Variants in EPSTI1 observed in about 807,000 individuals in gnomAD.
EPSTI1 encodes the protein epithelial-stromal interaction protein 1.
EPSTI1 carries 66 observed loss-of-function variants against 49.9 expected under a neutral mutation model. That is an observed-to-expected ratio of 1.32 (90% CI 1.08 to 1.62). EPSTI1 has a LOEUF of 1.62. Among genes scored for constraint, EPSTI1 ranks in the 40% most tolerant of loss-of-function variants. The pLI, the probability that EPSTI1 is intolerant of heterozygous loss-of-function variation, is 0.00. For synonymous variants in EPSTI1, 137 were observed against 130.7 expected, an observed-to-expected ratio of 1.05 and a Z score of -0.33; for missense variants, 394 against 365.5, an observed-to-expected ratio of 1.08 and a Z score of -0.64.
At chr13:42,985,248 T>C (rs1240848702) in intron 1 of EPSTI1, among the ~76,000 whole-genome samples, 3 of 152,174 alleles carry the variant, frequency 2.0e-5, no homozygotes, top group African/African-American at 7.2e-5. Flanking sequence ...ACAAAGGTTT[T>C]TTAAGGAAAA....
At chr13:42,910,602 C>A (rs541867631) in intron 8 of EPSTI1, among the ~76,000 whole-genome samples, 1 of 152,132 alleles carries the variant, frequency 6.6e-6, no homozygotes, top group Non-Finnish European at 1.5e-5. Flanking sequence ...TCAGTTGATT[C>A]TCTTAGTTTG....
chr13:42,984,383 T>G (rs1256249902), intron 1 of EPSTI1, among the ~76,000 whole-genome samples: 1 of 152,206 alleles, frequency 6.6e-6, no homozygotes, highest in Admixed American at 6.5e-5. Context: ...GAAGAAATAG[T>G]GAAAACAGTT....
intron 6 of EPSTI1, among the ~76,000 whole-genome samples, chr13:42,942,837 C>T (rs1224691663): frequency 1.3e-5 from 2 of 151,512 alleles, no homozygotes; most frequent in Admixed American, 6.6e-5. Context: ...TACAGGCGCC[C>T]GCCACCGCGC....
chr13:42,923,745 T>C (rs2038089844), intron 7 of EPSTI1, among the ~76,000 whole-genome samples: 1 of 152,204 alleles, frequency 6.6e-6, no homozygotes, highest in African/African-American at 2.4e-5. Flanking sequence ...TAAATATCTC[T>C]TGTCTGAAGT....
intron 5 of EPSTI1, among the ~76,000 whole-genome samples, chr13:42,962,356 C>A (rs976547179): frequency 2.6e-5 from 4 of 152,098 alleles, no homozygotes; most frequent in Non-Finnish European, 4.4e-5. Flanking sequence ...GCCATATTTT[C>A]AATGGGAAGG....
chr13:42,954,166 A>G (rs2039189434), intron 5 of EPSTI1, 145 bp from the exon 6 acceptor site: 1 of 616,280 alleles, frequency 1.6e-6, no homozygotes, highest in Non-Finnish European at 2.7e-6. Context: ...CCAAGATGGT[A>G]CTCCCTGTCA....
At chr13:42,923,523 T>C (rs1354097963) in intron 7 of EPSTI1, among the ~76,000 whole-genome samples, 1 of 152,156 alleles carries the variant, frequency 6.6e-6, no homozygotes, top group Non-Finnish European at 1.5e-5. Context: ...ATCATGCTGC[T>C]GCACTCCAGC....
At chr13:42,967,306 A>G (rs1424889481) in intron 3 of EPSTI1, among the ~76,000 whole-genome samples, 4 of 25,132 alleles carry the variant, frequency 1.6e-4, no homozygotes, top group East Asian at 3.9e-3. Flanking sequence ...AAAAAAAAAA[A>G]AAAAAGAAAA....
At chr13:42,972,288 C>T (rs2031268) in intron 1 of EPSTI1, among the ~76,000 whole-genome samples, 18,090 of 152,130 alleles carry the variant, frequency 0.12, 1,175 homozygotes, top group Non-Finnish European at 0.15. Context: ...AGGGCTTGTC[C>T]GCGAGCTTGA....
chr13:42,943,268 T>C (rs7327688), intron 6 of EPSTI1, among the ~76,000 whole-genome samples: 57,083 of 152,056 alleles, frequency 0.38, 11,677 homozygotes, highest in African/African-American at 0.52. Flanking sequence ...CAGGGCCTTC[T>C]TAGTGAATCT....
chr13:42,909,107 A>ACAG (rs2037590081), intron 8 of EPSTI1, among the ~76,000 whole-genome samples: 9 of 152,054 alleles, frequency 5.9e-5, no homozygotes, highest in Admixed American at 5.9e-4. Context: ...AATAATAACA[A>ACAG]TTTAAAAAAT....
intron 1 of EPSTI1, among the ~76,000 whole-genome samples, chr13:42,976,671 GACATAGTGATGT>G (rs751682086): frequency 7.9e-5 from 12 of 152,090 alleles, no homozygotes; most frequent in Non-Finnish European, 1.2e-4. Context: ...AGAAATGCAA[GACATAGTGATGT>G]ACTCCAAAAT....
At chr13:42,897,816 G>C (rs2037238548) in intron 9 of EPSTI1, among the ~76,000 whole-genome samples, 1 of 152,176 alleles carries the variant, frequency 6.6e-6, no homozygotes, top group Non-Finnish European at 1.5e-5. Context: ...TTCCTATCAA[G>C]AATCTAAATG....
chr13:42,980,538 G>A (rs368183634), intron 1 of EPSTI1, among the ~76,000 whole-genome samples: 20 of 152,222 alleles, frequency 1.3e-4, no homozygotes, highest in Middle Eastern at 3.4e-3. Flanking sequence ...AAACCATCAG[G>A]TCTCATAAAA....
rs925329084 is a variant in EPSTI1, at chr13:42,891,360, G to A, written c.916-2858C>T. On this transcript the variant is annotated intron_variant, in intron 10 of 10. Transcript: ENST00000313624. ...TCTAATATGTATAGGCCTGGTCTTC[G>A]TTTAATGGGAAGACAGTAAGACATA... 3.3e-5 allele frequency among the ~76,000 whole-genome samples: 5 copies of A among 152,116 alleles called. No homozygotes were observed. The East Asian group carries it at 5.8e-4, about 18-fold the overall frequency.
intron 8 of EPSTI1, among the ~76,000 whole-genome samples, chr13:42,906,138 G>C (rs149545433): frequency 6.6e-6 from 1 of 152,290 alleles, no homozygotes; most frequent in African/African-American, 2.4e-5. Flanking sequence ...CTGCAGGATG[G>C]CACCAATAGC....
chr13:42,979,612 A>G (rs2039952300), intron 1 of EPSTI1, among the ~76,000 whole-genome samples: 1 of 150,326 alleles, frequency 6.7e-6, no homozygotes, highest in Admixed American at 6.6e-5. Context: ...AGAAAAGAAA[A>G]GAAATTTTAA....
rs548413839 is a variant in EPSTI1 at position 42,980,826 on chromosome 13, T to A, written c.189-10156A>T. Among the ~76,000 whole-genome samples, 44 of 152,334 alleles carry A rather than the reference T, an allele frequency of 2.9e-4. No individual in the cohort carries two copies. In the South Asian group the frequency reaches 7.9e-3, roughly 27 times the overall value. ...AGAATTGCAGGGGACTTTCACATTCTGTATTATTTTTGAAATGTTTGAGTT... is the reference window on the plus strand; with the variant it reads ...AGAATTGCAGGGGACTTTCACATTCAGTATTATTTTTGAAATGTTTGAGTT... On this transcript the variant is annotated intron_variant, in intron 1 of 10. Transcript: ENST00000313624.
rs1399226763 is a variant in EPSTI1, at chr13:42,921,702, AC to A, written c.658-4079del. Among the ~76,000 whole-genome samples, 3 of 152,214 alleles carry A rather than the reference AC, an allele frequency of 2.0e-5. No homozygotes were observed. In the East Asian group the frequency reaches 5.8e-4, roughly 29 times the overall value. ...ATACAGCAGGCTCTCTGGAGGTGCAACCCAGGTATCTGTGATTTTTAAAGCT... is the reference window on the plus strand; with the variant it reads ...ATACAGCAGGCTCTCTGGAGGTGCAACCAGGTATCTGTGATTTTTAAAGCT... On this transcript the variant is annotated intron_variant, in intron 7 of 10. Coordinates refer to ENST00000313624, the MANE Select transcript of EPSTI1 (RefSeq NM_033255.5).
Sources: gnomAD v4.1 joint callset for allele counts (sites outside exome capture counted in the v4.1 genomes callset) on GRCh38, gnomAD v4.1.1 for gene constraint, MANE v1.5 for transcripts, NCBI Gene and HGNC (gene_info 2026-07-23, HGNC 2026-07-21) for gene names.